STARD13: variants seen among roughly 807,000 people sequenced by gnomAD.
The protein encoded by STARD13 is StAR related lipid transfer domain containing 13.
In STARD13, 62 loss-of-function variants were observed where a neutral mutation model predicts 106.4. The ratio of observed to expected loss-of-function variants is 0.58; its 90% CI spans 0.48 to 0.72. The LOEUF (loss-of-function observed/expected upper bound fraction) is 0.72, where lower values mean the gene tolerates loss of function less well. STARD13 is among the 30% of genes least tolerant of loss of function. The pLI is 0.00. For synonymous variants in STARD13, 565 were observed against 553.0 expected (o/e 1.02, Z -0.31); for missense variants, 1,387 against 1,424.0 (o/e 0.97, Z 0.42).
At chr13:33,514,556 G>A in the STARD13 span, among the ~76,000 whole-genome samples, 1 of 152,134 alleles carries the variant, frequency 6.6e-6, no homozygotes, top group African/African-American at 2.4e-5. Flanking sequence ...TCTGTTGAGG[G>A]CAGTGTTTAA....
the STARD13 span, among the ~76,000 whole-genome samples, chr13:33,647,495 T>G: frequency 3.0e-4 from 45 of 152,178 alleles, no homozygotes; most frequent in African/African-American, 1.1e-3. Flanking sequence ...GCTCCTTATC[T>G]CAAATAAAAT....
the STARD13 span, among the ~76,000 whole-genome samples, chr13:33,589,364 T>C: frequency 6.6e-6 from 1 of 152,194 alleles, no homozygotes; most frequent in African/African-American, 2.4e-5. Context: ...TTACTCTTGC[T>C]TCTGTAGTTC....
At chr13:33,299,836 C>T (rs1188068222) in intron 1 of STARD13, among the ~76,000 whole-genome samples, 2 of 152,114 alleles carry the variant, frequency 1.3e-5, no homozygotes, top group African/African-American at 2.4e-5. Context: ...TCATCTCTGT[C>T]GTAATAAAGC....
At chr13:33,512,452 A>C in the STARD13 span, among the ~76,000 whole-genome samples, 1 of 151,990 alleles carries the variant, frequency 6.6e-6, no homozygotes, top group African/African-American at 2.4e-5. Context: ...TTTTAAATTT[A>C]CTATGTTTTT....
chr13:33,381,569 C>T, the STARD13 span, among the ~76,000 whole-genome samples: 442 of 152,074 alleles, frequency 2.9e-3, 1 homozygote, highest in African/African-American at 0.01. Context: ...ATGAAACCCC[C>T]CTCTCTACTG....
At chr13:33,324,427 A>G (rs1893667259) in intron 1 of STARD13, among the ~76,000 whole-genome samples, 1 of 152,250 alleles carries the variant, frequency 6.6e-6, no homozygotes, top group Non-Finnish European at 1.5e-5. Flanking sequence ...TTTATCCAGA[A>G]TTAAAAGTTC....
chr13:33,420,068 C>T, the STARD13 span, among the ~76,000 whole-genome samples: 1 of 152,310 alleles, frequency 6.6e-6, no homozygotes, highest in Non-Finnish European at 1.5e-5. Flanking sequence ...AAATAACCAT[C>T]TAACATCATA....
chr13:33,635,837 A>G, the STARD13 span, among the ~76,000 whole-genome samples: 2 of 151,182 alleles, frequency 1.3e-5, no homozygotes, highest in East Asian at 3.9e-4. Flanking sequence ...ACAAAAAATT[A>G]GCCGGGTGTG....
At chr13:33,439,358 G>C in the STARD13 span, among the ~76,000 whole-genome samples, 4 of 152,292 alleles carry the variant, frequency 2.6e-5, no homozygotes, top group East Asian at 7.7e-4. Context: ...TTCAGTAAAG[G>C]TGCAATCTTT....
At chr13:33,428,351 T>C in the STARD13 span, among the ~76,000 whole-genome samples, 75,492 of 151,946 alleles carry the variant, frequency 0.5, 19,859 homozygotes, top group African/African-American at 0.68. Context: ...AAAGTTTGTG[T>C]ACAGTAAAGG....
At chr13:33,519,205 ATTTTTTCTTTCTTTCTTTCTTTCTT>A in the STARD13 span, among the ~76,000 whole-genome samples, 30 of 86,902 alleles carry the variant, frequency 3.5e-4, no homozygotes, top group African/African-American at 1.3e-3. Context: ...CCTCTTGGTA[ATTTTTTCTTTCTTTCTTTCTTTCTT>A]TCTTTCTTTC....
the STARD13 span, among the ~76,000 whole-genome samples, chr13:33,552,029 AAAAT>A: frequency 1.3e-5 from 2 of 152,214 alleles, no homozygotes. Context: ...CTTTGAGACA[AAAAT>A]AAATAAAATA....
rs1594109677 is a variant in STARD13 at position 33,209,598 on chromosome 13, T to A, written c.170-41976A>T. 2.0e-5 allele frequency among the ~76,000 whole-genome samples: 3 copies of A among 152,222 alleles called. No homozygotes were observed. In the South Asian group the frequency reaches 6.2e-4, roughly 32 times the overall value. On this transcript the variant is annotated intron_variant, in intron 1 of 13. Transcript: ENST00000336934. ...GATCTGCTGGTCGTCAGTCCTGCCA[T>A]CCTTAAGTGAGGGACCGATATTTCA...
At chr13:33,203,397 G>T (rs1887190547) in intron 1 of STARD13, among the ~76,000 whole-genome samples, 1 of 152,214 alleles carries the variant, frequency 6.6e-6, no homozygotes, top group Admixed American at 6.5e-5. Flanking sequence ...TTTGAAAGAT[G>T]AAGTGGATGT....
the STARD13 span, among the ~76,000 whole-genome samples, chr13:33,654,135 G>A: frequency 1.9e-4 from 29 of 152,268 alleles, no homozygotes; most frequent in Non-Finnish European, 5.9e-5. Context: ...GTTAAACATA[G>A]TTACCACATG....
At chr13:33,161,411 C>T (rs747102614) in intron 3 of STARD13, among the ~76,000 whole-genome samples, 4 of 151,878 alleles carry the variant, frequency 2.6e-5, no homozygotes, top group Non-Finnish European at 4.4e-5. Context: ...GCCTCTTGGG[C>T]TCAAGTGATC....
intron 1 of STARD13, among the ~76,000 whole-genome samples, chr13:33,313,926 C>T (rs1447530221): frequency 6.6e-6 from 1 of 152,128 alleles, no homozygotes; most frequent in Non-Finnish European, 1.5e-5. Context: ...ACTCTCTGAC[C>T]TTCTTTGGGC....
intron 4 of STARD13, among the ~76,000 whole-genome samples, chr13:33,141,404 T>C (rs998982161): frequency 6.6e-6 from 1 of 152,234 alleles, no homozygotes. Context: ...AAGTACATAA[T>C]CTAGTTCCTA....
intron 1 of STARD13, among the ~76,000 whole-genome samples, chr13:33,343,156 T>C (rs1023786753): frequency 2.6e-5 from 4 of 152,046 alleles, no homozygotes; most frequent in Admixed American, 6.6e-5. Context: ...CCTTTTTCTC[T>C]CCCATGCAAA....
Sources: gnomAD v4.1 joint callset for allele counts (sites outside exome capture counted in the v4.1 genomes callset) on GRCh38, gnomAD v4.1.1 for gene constraint, MANE v1.5 for transcripts, NCBI Gene and HGNC (gene_info 2026-07-23, HGNC 2026-07-21) for gene names.